Variants in LRPPRC observed in about 807,000 individuals in gnomAD.
LRPPRC encodes leucine-rich PPR motif-containing protein, mitochondrial.
LRPPRC carries 120 observed loss-of-function variants against 180.3 expected under a neutral mutation model. The observed-to-expected ratio is 0.67, with a 90% CI of 0.57 to 0.77. The LOEUF (loss-of-function observed/expected upper bound fraction) is 0.77, where lower values mean the gene tolerates loss of function less well. Among genes scored for constraint, LRPPRC ranks in the 30% least tolerant of loss-of-function variants. The pLI, the probability that LRPPRC is intolerant of heterozygous loss-of-function variation, is 0.00. For missense variants in LRPPRC, 2,012 were observed against 1,657.2 expected, an observed-to-expected ratio of 1.21 and a Z score of -3.72; for synonymous variants, 723 against 600.0, an observed-to-expected ratio of 1.21 and a Z score of -3.00.
At position 43,983,177 on chromosome 2, in the gene LRPPRC, G is replaced by C. The variant is rs539603935; in HGVS notation, c.150-743C>G. Among the ~76,000 whole-genome samples the C allele has an allele frequency of 3.3e-5, 5 of 152,242 alleles. No homozygotes were observed. The East Asian group carries it at 9.6e-4, about 29-fold the overall frequency. On this transcript the variant is annotated intron_variant, in intron 1 of 37. Coordinates refer to ENST00000260665, the MANE Select transcript of LRPPRC (RefSeq NM_133259.4). Reference sequence around the variant, plus strand: ...TTACAAATTAGGTATGGTCAGAATAGTACATTATGTGTTTACAAAGAGCAA... The same window carrying C: ...TTACAAATTAGGTATGGTCAGAATACTACATTATGTGTTTACAAAGAGCAA...
chr2:43,947,116 A>C (rs1672707503), intron 20 of LRPPRC, 141 bp downstream of exon 20: 2 of 566,462 alleles, frequency 3.5e-6, no homozygotes, highest in Non-Finnish European at 6.2e-6. Context: ...GAAATTAGTT[A>C]ACCTTTCATT....
chr2:43,937,134 A>G (rs181479218), intron 23 of LRPPRC, among the ~76,000 whole-genome samples: 6 of 152,248 alleles, frequency 3.9e-5, no homozygotes. Context: ...TGTTCTGTCA[A>G]TCAAAGCGAC....
chr2:43,993,558 C>A (rs1674881326), intron 1 of LRPPRC, among the ~76,000 whole-genome samples: 1 of 152,002 alleles, frequency 6.6e-6, no homozygotes, highest in African/African-American at 2.4e-5. Flanking sequence ...AGGAAAGGTT[C>A]TGTGTTTCAC....
intron 29 of LRPPRC, among the ~76,000 whole-genome samples, chr2:43,914,608 A>G (rs1671375546): frequency 6.6e-6 from 1 of 152,028 alleles, no homozygotes; most frequent in Non-Finnish European, 1.5e-5. Flanking sequence ...GGTGCCTGTA[A>G]TCCCAGCTAC....
At chr2:43,947,706 A>G in intron 19 of LRPPRC, 25 bp downstream of exon 19, 1 of 1,365,126 alleles carries the variant, frequency 7.3e-7, no homozygotes, top group Non-Finnish European at 1.0e-6. Flanking sequence ...TATAGCATGT[A>G]GAATCTAGTC....
intron 11 of LRPPRC, among the ~76,000 whole-genome samples, chr2:43,971,485 T>TAAAA (rs528659622): frequency 6.4e-5 from 4 of 62,382 alleles, no homozygotes; most frequent in East Asian, 3.1e-4. Context: ...TGTGTCACAG[T>TAAAA]AAAAAAAAAA....
chr2:43,887,547 A>C lies in LRPPRC; in HGVS notation c.*1053T>G, dbSNP rs1390126418. ...AACAGTAGGGAGTCACCAAATTCAAATGAACAAGGAATACCCCAAAATGGG... is the reference window on the plus strand; with the variant it reads ...AACAGTAGGGAGTCACCAAATTCAACTGAACAAGGAATACCCCAAAATGGG... On this transcript the variant is annotated 3_prime_UTR_variant, in exon 38 of 38. Transcript: ENST00000260665. 6.6e-6 allele frequency: 1 copy of C among 152,234 alleles called. No homozygotes were observed. The highest frequency in any genetic ancestry group is 1.5e-5 in the Non-Finnish European group (1 of 68,044). The allele number at this position is 152,234 out of a possible 1,614,324, so 9.4% of individuals were successfully genotyped here. A position where few individuals can be genotyped will look rare whatever the true frequency, so the allele number is the denominator to read the frequency against.
At chr2:43,888,779 C>T (rs1670367080) in intron 37 of LRPPRC, 123 bp from the exon 38 acceptor site, 18 of 675,760 alleles carry the variant, frequency 2.7e-5, no homozygotes, top group South Asian at 2.3e-4. Context: ...GAAGATGCTG[C>T]CCCTCAAGCT....
intron 32 of LRPPRC, among the ~76,000 whole-genome samples, 199 bp downstream of exon 32, chr2:43,901,121 G>A (rs1670867487): frequency 6.6e-6 from 1 of 152,148 alleles, no homozygotes; most frequent in Non-Finnish European, 1.5e-5. Flanking sequence ...TTTGGTAAAT[G>A]CTGTTTATTC....
intron 30 of LRPPRC, among the ~76,000 whole-genome samples, chr2:43,908,286 C>T (rs1241045893): frequency 6.6e-6 from 1 of 152,020 alleles, no homozygotes; most frequent in Non-Finnish European, 1.5e-5. Context: ...GGTTTCCCTC[C>T]CTTGAAAGAA....
At chr2:43,995,707 G>A (rs1410877421) in intron 1 of LRPPRC, 92 bp downstream of exon 1, 17 of 1,195,180 alleles carry the variant, frequency 1.4e-5, no homozygotes, top group Non-Finnish European at 1.7e-5. Flanking sequence ...GAAGGGTGGC[G>A]AGCACAGGCA....
intron 23 of LRPPRC, among the ~76,000 whole-genome samples, chr2:43,941,109 C>T (rs1553402176): frequency 6.6e-6 from 1 of 152,032 alleles, no homozygotes; most frequent in Non-Finnish European, 1.5e-5. Context: ...TTTGGATTTC[C>T]CTTGGCAAAT....
chr2:43,888,339 G>C lies in LRPPRC; in HGVS notation c.*261C>G. ...AGCAGGGAAACCAAAGAGCCAATTA[G>C]GGGAAGAATCCTGAAAAAGTATGGC... On this transcript the variant is annotated 3_prime_UTR_variant, in exon 38 of 38. Coordinates refer to ENST00000260665, the MANE Select transcript of LRPPRC (RefSeq NM_133259.4). The C allele has an allele frequency of 5.2e-6, 2 of 383,608 alleles. No homozygotes were observed. The highest frequency in any genetic ancestry group is 2.8e-5 in the South Asian group (1 of 35,976). 23.8% of individuals were successfully genotyped at this position (383,608 alleles called of 1,614,324 possible). A position where few individuals can be genotyped will look rare whatever the true frequency, so the allele number is the denominator to read the frequency against.
At chr2:43,944,742 ATC>A (rs1323403856) in intron 22 of LRPPRC, among the ~76,000 whole-genome samples, 1 of 152,064 alleles carries the variant, frequency 6.6e-6, no homozygotes, top group Non-Finnish European at 1.5e-5. Context: ...TGAATGTATT[ATC>A]AAGTGTAATT....
At chr2:43,984,279 G>A (rs138882446) in intron 1 of LRPPRC, among the ~76,000 whole-genome samples, 125 of 152,212 alleles carry the variant, frequency 8.2e-4, no homozygotes, top group Non-Finnish European at 1.3e-3. Flanking sequence ...TTTCAAAATT[G>A]TGAAGTCTAT....
intron 27 of LRPPRC, among the ~76,000 whole-genome samples, chr2:43,918,862 G>T (rs958428217): frequency 3.4e-5 from 5 of 145,604 alleles, no homozygotes; most frequent in South Asian, 2.2e-4. Context: ...TATATATATA[G>T]ATATAGATAG....
intron 1 of LRPPRC, among the ~76,000 whole-genome samples, chr2:43,992,850 G>C (rs1022761274): frequency 2.0e-5 from 3 of 152,156 alleles, no homozygotes; most frequent in African/African-American, 7.2e-5. Context: ...AGTACCTATA[G>C]TTCAAGCAGG....
In LRPPRC at chr2:43,960,421, G is replaced by C. The variant is rs527922924; in HGVS notation, c.1582+120C>G. On this transcript the variant is annotated intron_variant, in intron 13 of 37. Coordinates refer to ENST00000260665, the MANE Select transcript of LRPPRC (RefSeq NM_133259.4). ...GTTCAACTCATAAACCGTTTTATCAGTCTGGCTTTAACAAAACATATAAAC... is the reference window on the plus strand; with the variant it reads ...GTTCAACTCATAAACCGTTTTATCACTCTGGCTTTAACAAAACATATAAAC... The C allele has an allele frequency of 1.6e-4, 116 of 719,988 alleles. 3 individuals carry two copies. The South Asian group carries it at 1.6e-3, about 10-fold the overall frequency. 44.6% of individuals were successfully genotyped at this position (719,988 alleles called of 1,614,324 possible). A position where few individuals can be genotyped will look rare whatever the true frequency, so the allele number is the denominator to read the frequency against.
Position 43,979,942 on chromosome 2 carries a change from A to C in LRPPRC, c.353T>G (p.Leu118Arg). 1 of 1,613,846 alleles carries C rather than the reference A, an allele frequency of 6.2e-7. No homozygotes were observed. The highest frequency in any genetic ancestry group is 8.5e-7 in the Non-Finnish European group (1 of 1,179,808). Residue 118 changes from leucine (L) to arginine (R), a missense_variant, in exon 3 of 38, where the codon CTA becomes CGA. Coordinates refer to ENST00000260665, the MANE Select transcript of LRPPRC (RefSeq NM_133259.4). ...TAGAAGCAAGGCATGACTACCACCT[A>C]GGCCACCTGTGGAAAAAAGGTTAAT... ...VFNDTCRSGG[L>R]GGSHALLLLR... is the part of the protein sequence containing the mutation.
Sources: gnomAD v4.1 joint callset for allele counts (sites outside exome capture counted in the v4.1 genomes callset) on GRCh38, gnomAD v4.1.1 for gene constraint, MANE v1.5 for transcripts, NCBI Gene and HGNC (gene_info 2026-07-23, HGNC 2026-07-21) for gene names.